CHD7: variants seen among roughly 807,000 people sequenced by gnomAD.
CHD7 encodes chromodomain helicase DNA binding protein 7, also known as ATP-dependent chromatin remodeler CHD7.
CHD7 carries 24 observed loss-of-function variants against 307.3 expected under a neutral mutation model. That is an observed-to-expected ratio of 0.08 (90% CI 0.06 to 0.11). CHD7 has a LOEUF of 0.11. CHD7 is among the 10% of genes least tolerant of loss of function. The probability of loss-of-function intolerance (pLI) is 1.00; values close to 1 mark genes in which losing one functional copy is unlikely to be tolerated. For synonymous variants in CHD7, 1,363 were observed against 1,349.9 expected, an observed-to-expected ratio of 1.01 and a Z score of -0.21; for missense variants, 3,106 against 3,727.1, an observed-to-expected ratio of 0.83 and a Z score of 4.34.
intron 37 of CHD7, 141 bp downstream of exon 37, chr8:60,862,793 T>C: frequency 1.6e-6 from 1 of 610,800 alleles, no homozygotes; most frequent in Non-Finnish European, 2.9e-6. Flanking sequence ...TTTTCATACA[T>C]CATTTCATAC....
intron 2 of CHD7, among the ~76,000 whole-genome samples, chr8:60,767,386 AGTAGGTTG>A (rs1459757046): frequency 1.3e-5 from 2 of 152,226 alleles, no homozygotes; most frequent in Non-Finnish European, 2.9e-5. Context: ...CAAATTCAAA[AGTAGGTTG>A]GTAGGTCACT....
intron 2 of CHD7, among the ~76,000 whole-genome samples, chr8:60,754,033 C>A (rs1375385859): frequency 6.6e-6 from 1 of 152,138 alleles, no homozygotes; most frequent in African/African-American, 2.4e-5. Context: ...TAAGTAAATG[C>A]AAAGAGACAA....
chr8:60,818,356 GA>G (rs1348371189), intron 8 of CHD7, among the ~76,000 whole-genome samples: 2 of 152,238 alleles, frequency 1.3e-5, no homozygotes, highest in African/African-American at 4.8e-5. Flanking sequence ...TTAAAGGGTA[GA>G]AATGTGTAGG....
intron 2 of CHD7, among the ~76,000 whole-genome samples, chr8:60,753,291 G>A (rs1335897891): frequency 6.6e-6 from 1 of 152,154 alleles, no homozygotes; most frequent in Non-Finnish European, 1.5e-5. Context: ...CTGGAATAAG[G>A]CGCTGTGGGA....
At position 60,856,145 on chromosome 8, in the gene CHD7, C is replaced by T. The variant is rs773674773; in HGVS notation, c.7107C>T (p.Val2369=). The change falls in exon 33 of 38, where the codon GTC becomes GTT. Residue 2369 remains valine (V), a synonymous_variant. Transcript: ENST00000423902. ...GGAGCTTTGCTGAGCTCTCCATGGT[C>T]GGCCAAGCCAGCATTAGTGGGAGTG... ...QKRSFAELSM[V]GQASISGSED... The T allele has an allele frequency of 2.3e-5, 37 of 1,607,624 alleles. No homozygotes were observed. The highest frequency in any genetic ancestry group is 1.9e-4 in the Admixed American group (11 of 59,182).
In CHD7 at chr8:60,796,523, ATGT is replaced by A. The variant is rs1812042558; in HGVS notation, c.2238+1401_2238+1403del. Reference sequence around the variant, plus strand: ...TTGCATCAGTAGAGGAAATTCTGTTATGTTGTTATTTCACAAATACTGCTATTG... The same window carrying A: ...TTGCATCAGTAGAGGAAATTCTGTTATGTTATTTCACAAATACTGCTATTG... On this transcript the variant is annotated intron_variant, in intron 4 of 37. Coordinates refer to ENST00000423902, the MANE Select transcript of CHD7 (RefSeq NM_017780.4). Among the ~76,000 whole-genome samples the A allele has an allele frequency of 2.0e-5, 3 of 152,160 alleles. No individual in the cohort carries two copies. In the South Asian group the frequency reaches 6.2e-4, roughly 32 times the overall value.
intron 9 of CHD7, 115 bp from the exon 10 acceptor site, chr8:60,821,675 C>A: frequency 2.6e-6 from 2 of 767,002 alleles, no homozygotes; most frequent in South Asian, 2.7e-5. Context: ...TATGTATAAA[C>A]ATATATATAC....
chr8:60,810,886 G>A (rs538266450), intron 7 of CHD7, among the ~76,000 whole-genome samples: 5 of 152,176 alleles, frequency 3.3e-5, no homozygotes, highest in Non-Finnish European at 5.9e-5. Context: ...AGCAGGAGGT[G>A]AGCGGCAGGC....
At chr8:60,770,528 A>G (rs1262505376) in intron 2 of CHD7, among the ~76,000 whole-genome samples, 1 of 152,256 alleles carries the variant, frequency 6.6e-6, no homozygotes, top group East Asian at 1.9e-4. Flanking sequence ...ATGGGGACAC[A>G]GTCCCCTCTA....
chr8:60,816,706 T>A (rs925945445), intron 8 of CHD7, among the ~76,000 whole-genome samples: 10 of 152,228 alleles, frequency 6.6e-5, no homozygotes, highest in African/African-American at 2.2e-4. Context: ...ATATGGGTCC[T>A]TATGATATTA....
chr8:60,678,770 G>GGCGGCT lies in CHD7; in HGVS notation c.-482_-481insTGCGGC, dbSNP rs1805396529. 1 of 140,160 alleles carries GGCGGCT rather than the reference G, an allele frequency of 7.1e-6. No individual in the cohort carries two copies. The allele number at this position is 140,160 out of a possible 1,614,324, so 8.7% of individuals were successfully genotyped here. A position where few individuals can be genotyped will look rare whatever the true frequency, so the allele number is the denominator to read the frequency against. On this transcript the variant is annotated 5_prime_UTR_variant, in exon 1 of 38. Coordinates refer to ENST00000423902, the MANE Select transcript of CHD7 (RefSeq NM_017780.4). ...GGCGCTGGCGTGCTGGGGCCGCGGC[G>GGCGGCT]GCGGCGGCGGCGGCGGCGGCAGCGG...
Position 60,865,339 on chromosome 8 carries a change from G to A in CHD7, c.8400G>A (p.Leu2800=). ...KNPAAVLPLM[L]PGMAGLPNVF... ...CTGCTGCTGTGCTGCCCCTGATGCT[G>A]CCAGGAATGGCGGGCCTGCCCAACG... is the stretch of plus-strand genomic sequence containing the variant. The change falls in exon 38 of 38, where the codon CTG becomes CTA. Residue 2800 remains leucine (L), a synonymous_variant. Transcript: ENST00000423902. The surrounding 1 kb of genome is among the most constrained non-coding windows in gnomAD (Gnocchi z 4.3). 1 of 1,612,430 alleles carries A rather than the reference G, an allele frequency of 6.2e-7. No homozygotes were observed. Among genetic ancestry groups the A allele is most frequent in the Non-Finnish European group, 8.5e-7 (1 of 1,179,410 alleles).
chr8:60,865,741 C>G lies in CHD7; in HGVS notation c.8802C>G (p.Ser2934Arg), dbSNP rs778908675. The change falls in exon 38 of 38, where the codon AGC (serine) becomes AGG (arginine). Residue 2934 changes from serine (S) to arginine (R), a missense_variant. This residue lies in a region of CHD7 where 351 missense variants were observed against 366.2 expected (regional missense o/e 0.96). Coordinates refer to ENST00000423902, the MANE Select transcript of CHD7 (RefSeq NM_017780.4). The surrounding 1 kb of genome is among the most constrained non-coding windows in gnomAD (Gnocchi z 4.3). ...GACTTCAGAATGCCGTGGGCTCCAG[C>G]GAAGAAAAGGCTGCTGACAAGGCTG... ...LAGLQNAVGS[S>R]EEKAADKAEG... 4 of 1,611,752 alleles carry G rather than the reference C, an allele frequency of 2.5e-6. No individual in the cohort carries two copies. In the African/African-American group the frequency reaches 5.4e-5, roughly 22 times the overall value.
At position 60,781,204 on chromosome 8, in the gene CHD7, G is replaced by T; in HGVS notation, c.1870G>T (p.Val624Leu). The change falls in exon 3 of 38, where the codon GTA becomes TTA. Residue 624 changes from valine to leucine, a missense_variant. This residue lies in a region of CHD7 where 998 missense variants were observed against 1,004.5 expected (regional missense o/e 0.99). Coordinates refer to ENST00000423902, the MANE Select transcript of CHD7 (RefSeq NM_017780.4). ...TGGTAAAGATGACTTCCCTGGTGGG[G>T]TAGATAACCAAGAACTAAATAGGAA... is the stretch of plus-strand genomic sequence containing the variant. ...GFGKDDFPGGVDNQELNRNSL... is the reference protein window; with the variant it reads ...GFGKDDFPGGLDNQELNRNSL... 6.3e-7 allele frequency: 1 copy of T among 1,599,378 alleles called. No homozygotes were observed. Among genetic ancestry groups the T allele is most frequent in the South Asian group, 1.1e-5 (1 of 88,534 alleles).
intron 1 of CHD7, among the ~76,000 whole-genome samples, chr8:60,719,920 T>C (rs913748710): frequency 6.6e-6 from 1 of 152,224 alleles, no homozygotes. Context: ...TCTGGCTGAT[T>C]GTAAGTATGC....
At chr8:60,859,519 C>T (rs917557109) in intron 34 of CHD7, among the ~76,000 whole-genome samples, 6 of 152,262 alleles carry the variant, frequency 3.9e-5, no homozygotes, top group Admixed American at 2.0e-4. Flanking sequence ...ATGTGTGCCA[C>T]GACCAAGGGA....
intron 4 of CHD7, among the ~76,000 whole-genome samples, chr8:60,800,041 T>C (rs1293986220): frequency 1.3e-5 from 2 of 152,154 alleles, no homozygotes; most frequent in Non-Finnish European, 2.9e-5. Context: ...TTTTCTTTTT[T>C]TTTTTTTAAG....
chr8:60,821,627 T>TAC (rs1804040387), intron 9 of CHD7, among the ~76,000 whole-genome samples, 163 bp from the exon 10 acceptor site: 1 of 149,510 alleles, frequency 6.7e-6, no homozygotes, highest in East Asian at 1.9e-4. Context: ...TATATATACA[T>TAC]ATGTATATGT....
At chr8:60,713,006 C>T (rs536514165) in intron 1 of CHD7, among the ~76,000 whole-genome samples, 26 of 145,496 alleles carry the variant, frequency 1.8e-4, no homozygotes, top group Non-Finnish European at 3.1e-4. Context: ...GCCGAGATTG[C>T]GCCACTGCAC....
Sources: gnomAD v4.1 joint callset for allele counts (sites outside exome capture counted in the v4.1 genomes callset) on GRCh38, gnomAD v4.1.1 for gene constraint, gnomAD v4.1.1 regional missense constraint, Gnocchi (gnomAD v3.1) non-coding constraint, MANE v1.5 for transcripts, NCBI Gene and HGNC (gene_info 2026-07-23, HGNC 2026-07-21) for gene names.